The following RBFOX1 variants were observed in gnomAD, a reference collection of about 807,000 sequenced individuals.
RBFOX1 encodes RNA binding fox-1 homolog 1.
In RBFOX1, 8 loss-of-function variants were observed where a neutral mutation model predicts 57.7. The observed-to-expected ratio is 0.14, with a 90% CI of 0.08 to 0.25. RBFOX1 has a LOEUF of 0.25. Among genes scored for constraint, RBFOX1 ranks in the 10% least tolerant of loss-of-function variants. The pLI is 1.00. For synonymous variants in RBFOX1, 326 were observed against 222.4 expected (o/e 1.47, Z -4.15); for missense variants, 611 against 548.5 (o/e 1.11, Z -1.14).
intron 2 of RBFOX1, among the ~76,000 whole-genome samples, chr16:6,540,885 A>T (rs2153832157): frequency 6.6e-6 from 1 of 152,196 alleles, no homozygotes; most frequent in East Asian, 1.9e-4. Context: ...TCCATTATAA[A>T]TCCGTTAAAA....
chr16:6,228,204 G>A (rs952697323), intron 1 of RBFOX1, among the ~76,000 whole-genome samples: 3 of 152,022 alleles, frequency 2.0e-5, no homozygotes, highest in Non-Finnish European at 4.4e-5. Context: ...CCAGCTACTC[G>A]GGGCCGGGGG....
rs184297184 is a variant in RBFOX1, at chr16:7,394,656, T to C, written c.28-123491T>C. ...TGGATTCTCGATCACCACCTCCCTT[T>C]TCAGTTTACTGATCAGGCAGTTTCG... On this transcript the variant is annotated intron_variant, in intron 4 of 15. Transcript: ENST00000550418. 1.5e-4 allele frequency among the ~76,000 whole-genome samples: 23 copies of C among 152,272 alleles called. No individual in the cohort carries two copies. In the East Asian group the frequency reaches 4.4e-3, roughly 29 times the overall value.
intron 3 of RBFOX1, among the ~76,000 whole-genome samples, chr16:7,051,038 T>A (rs1024411021): frequency 2.6e-5 from 4 of 152,190 alleles, no homozygotes; most frequent in African/African-American, 9.7e-5. Flanking sequence ...AAAAGTTGGT[T>A]CCTAAACCTT....
chr16:6,786,809 A>T (rs981031399), intron 3 of RBFOX1, among the ~76,000 whole-genome samples: 1 of 152,224 alleles, frequency 6.6e-6, no homozygotes, highest in Non-Finnish European at 1.5e-5. Context: ...ATCGAGGGTC[A>T]TGGTCACAAT....
chr16:6,905,677 G>A (rs556069518), intron 3 of RBFOX1, among the ~76,000 whole-genome samples: 42 of 152,076 alleles, frequency 2.8e-4, no homozygotes, highest in African/African-American at 9.9e-4. Flanking sequence ...CACCAAAAGG[G>A]GAAAAAAAGA....
intron 3 of RBFOX1, among the ~76,000 whole-genome samples, chr16:6,949,833 C>T (rs938816964): frequency 6.6e-6 from 1 of 151,992 alleles, no homozygotes; most frequent in African/African-American, 2.4e-5. Flanking sequence ...CAGAACATCT[C>T]TTCACCCGGA....
chr16:5,296,338 A>G (rs2063667456), intron 1 of RBFOX1, among the ~76,000 whole-genome samples: 1 of 152,200 alleles, frequency 6.6e-6, no homozygotes, highest in Non-Finnish European at 1.5e-5. Context: ...CTAGAACAGC[A>G]GGAGACAGCT....
At chr16:7,657,689 C>T (rs566051089) in intron 12 of RBFOX1, among the ~76,000 whole-genome samples, 1 of 152,332 alleles carries the variant, frequency 6.6e-6, no homozygotes, top group East Asian at 1.9e-4. Flanking sequence ...TGAAGAACAT[C>T]GGTTATGAAG....
intron 3 of RBFOX1, among the ~76,000 whole-genome samples, chr16:5,865,917 G>A (rs1597557138): frequency 6.6e-6 from 1 of 151,094 alleles, no homozygotes. Flanking sequence ...AGAGAGAGAG[G>A]GAGAGAGGGA....
chr16:5,847,372 G>T (rs376157515), intron 3 of RBFOX1, among the ~76,000 whole-genome samples: 1 of 149,096 alleles, frequency 6.7e-6, no homozygotes, highest in South Asian at 2.2e-4. Flanking sequence ...AAATGGGGGT[G>T]GGGGGGGAAT....
At chr16:7,348,637 A>G (rs955945393) in intron 4 of RBFOX1, among the ~76,000 whole-genome samples, 11 of 152,232 alleles carry the variant, frequency 7.2e-5, no homozygotes, top group Admixed American at 5.9e-4. Flanking sequence ...AAACAATCCT[A>G]TAGATTACAG....
intron 3 of RBFOX1, among the ~76,000 whole-genome samples, chr16:6,916,460 G>A (rs1462356365): frequency 6.6e-6 from 1 of 151,782 alleles, no homozygotes; most frequent in Non-Finnish European, 1.5e-5. Context: ...TACACCTTTG[G>A]TTAACGAAAT....
At chr16:7,230,057 A>AAAGGGGAGGGAAAGAAGGAAGG (rs2093409325) in intron 4 of RBFOX1, among the ~76,000 whole-genome samples, 2 of 119,986 alleles carry the variant, frequency 1.7e-5, no homozygotes, top group South Asian at 3.2e-4. Flanking sequence ...GAAGGAAAGG[A>AAAGGGGAGGGAAAGAAGGAAGG]GAGAGAGGAA....
chr16:7,652,745 C>T (rs1338363414), intron 11 of RBFOX1, among the ~76,000 whole-genome samples: 5 of 152,140 alleles, frequency 3.3e-5, no homozygotes, highest in African/African-American at 4.8e-5. Flanking sequence ...CCAGACTTAT[C>T]GCGTATTTGT....
intron 2 of RBFOX1, among the ~76,000 whole-genome samples, chr16:6,374,946 A>T (rs2090971132): frequency 6.6e-6 from 1 of 152,226 alleles, no homozygotes; most frequent in African/African-American, 2.4e-5. Context: ...CAGTTTTAAA[A>T]ATCCATTCGC....
chr16:7,232,613 G>C (rs11864490), intron 4 of RBFOX1, among the ~76,000 whole-genome samples: 1 of 151,962 alleles, frequency 6.6e-6, no homozygotes. Flanking sequence ...AGGCCGAAGC[G>C]GGTGGATCAC....
chr16:6,776,272 G>A (rs1477968519), intron 3 of RBFOX1, among the ~76,000 whole-genome samples: 3 of 151,936 alleles, frequency 2.0e-5, no homozygotes, highest in Non-Finnish European at 2.9e-5. Flanking sequence ...TTAGCCGGGC[G>A]TGGTGGCGGG....
rs1293854509 is a variant in RBFOX1, at chr16:6,752,317, T to C, written c.-16+97667T>C. ...ATGTACTCCAGACCTCCAATAACTT[T>C]GACATTATCAGACGAAATACAATGA... On this transcript the variant is annotated intron_variant, in intron 3 of 15. Transcript: ENST00000550418. 3.8e-4 allele frequency among the ~76,000 whole-genome samples: 58 copies of C among 152,154 alleles called. 1 individual carries two copies. Among genetic ancestry groups the C allele is most frequent in the Admixed American group, 3.8e-3 (58 of 15,274 alleles).
chr16:7,027,135 G>C (rs964841680), intron 3 of RBFOX1, among the ~76,000 whole-genome samples: 2 of 152,158 alleles, frequency 1.3e-5, no homozygotes, highest in Non-Finnish European at 2.9e-5. Flanking sequence ...GCCTTAGAGT[G>C]CTAAGAACAG....
Sources: allele counts gnomAD v4.1 joint callset (sites outside exome capture counted in the v4.1 genomes callset), GRCh38; gene constraint gnomAD v4.1.1; transcripts MANE v1.5; gene names NCBI Gene and HGNC (gene_info 2026-07-23, HGNC 2026-07-21).